DNAJC1: variants seen among roughly 807,000 people sequenced by gnomAD.
The protein encoded by DNAJC1 is dnaJ homolog subfamily C member 1.
A neutral mutation model predicts 76.6 loss-of-function variants in DNAJC1; 58 were observed. The observed-to-expected ratio is 0.76, with a 90% CI of 0.61 to 0.94. The LOEUF (loss-of-function observed/expected upper bound fraction) is 0.94. DNAJC1 is among the 40% of genes least tolerant of loss of function. The probability of loss-of-function intolerance (pLI) is 0.00; values close to 1 mark genes in which losing one functional copy is unlikely to be tolerated. For missense variants in DNAJC1, 689 were observed against 677.3 expected, an observed-to-expected ratio of 1.02 and a Z score of -0.19; for synonymous variants, 258 against 267.9, an observed-to-expected ratio of 0.96 and a Z score of 0.36.
intron 1 of DNAJC1, among the ~76,000 whole-genome samples, chr10:21,953,905 G>A (rs1000258360): frequency 2.6e-4 from 38 of 144,144 alleles, no homozygotes; most frequent in African/African-American, 8.6e-4. Context: ...TCCTTTGTTA[G>A]TTTAATAAAT....
chr10:21,876,792 G>A (rs1836195625), intron 8 of DNAJC1, among the ~76,000 whole-genome samples: 1 of 152,156 alleles, frequency 6.6e-6, no homozygotes, highest in Non-Finnish European at 1.5e-5. Flanking sequence ...TAGAGCTGTA[G>A]GAAGCAATTT....
intron 6 of DNAJC1, among the ~76,000 whole-genome samples, chr10:21,906,317 G>T (rs928585285): frequency 6.6e-6 from 1 of 151,900 alleles, no homozygotes; most frequent in Non-Finnish European, 1.5e-5. Context: ...GTTTCAACAG[G>T]GTTTTGGGTT....
intron 8 of DNAJC1, among the ~76,000 whole-genome samples, chr10:21,837,280 G>A (rs971493892): frequency 6.6e-6 from 1 of 152,168 alleles, no homozygotes; most frequent in African/African-American, 2.4e-5. Context: ...CCTCCCAGCC[G>A]CCTGCCTTGG....
At chr10:21,942,843 T>C (rs1401585441) in intron 1 of DNAJC1, among the ~76,000 whole-genome samples, 3 of 140,014 alleles carry the variant, frequency 2.1e-5, no homozygotes, top group Non-Finnish European at 3.1e-5. Context: ...GAAAAAGAAA[T>C]ATAAGCATAC....
At chr10:21,968,326 T>G (rs1837922974) in intron 1 of DNAJC1, among the ~76,000 whole-genome samples, 1 of 152,088 alleles carries the variant, frequency 6.6e-6, no homozygotes, top group African/African-American at 2.4e-5. Context: ...AACCTCACAA[T>G]CACCTTATAA....
intron 7 of DNAJC1, among the ~76,000 whole-genome samples, chr10:21,901,404 T>A (rs1836650464): frequency 6.6e-6 from 1 of 152,180 alleles, no homozygotes; most frequent in Non-Finnish European, 1.5e-5. Flanking sequence ...TAATTTAGAA[T>A]AAAACATATC....
At chr10:21,968,271 C>T (rs1172794639) in intron 1 of DNAJC1, among the ~76,000 whole-genome samples, 2 of 152,112 alleles carry the variant, frequency 1.3e-5, no homozygotes, top group African/African-American at 2.4e-5. Flanking sequence ...AAACTATTAG[C>T]TAACATTTGT....
intron 1 of DNAJC1, among the ~76,000 whole-genome samples, chr10:21,961,975 T>A (rs1837801388): frequency 6.6e-6 from 1 of 152,082 alleles, no homozygotes; most frequent in African/African-American, 2.4e-5. Context: ...CCTGAAATGG[T>A]CCTCCCCCTT....
intron 1 of DNAJC1, among the ~76,000 whole-genome samples, chr10:21,968,842 C>T (rs769372497): frequency 6.6e-6 from 1 of 152,060 alleles, no homozygotes; most frequent in East Asian, 1.9e-4. Flanking sequence ...ATATTACAAA[C>T]GCTGCTGCAG....
At chr10:21,904,468 TTTAAATAA>T (rs1836709642) in intron 7 of DNAJC1, 46 bp downstream of exon 7, 1 of 1,178,298 alleles carries the variant, frequency 8.5e-7, no homozygotes, top group African/African-American at 1.6e-5. Flanking sequence ...ATAATTCACA[TTTAAATAA>T]TTAATTTTAT....
At position 22,003,613 on chromosome 10, in the gene DNAJC1, G is replaced by T. The variant is rs1319504953; in HGVS notation, c.-179C>A. The T allele has an allele frequency of 1.3e-5, 9 of 701,790 alleles. No homozygotes were observed. Among genetic ancestry groups the T allele is most frequent in the Non-Finnish European group, 1.8e-5 (9 of 502,348 alleles). The allele number at this position is 701,790 out of a possible 1,614,324, so 43.5% of individuals were successfully genotyped here. On this transcript the variant is annotated 5_prime_UTR_variant, in exon 1 of 12. Coordinates refer to ENST00000376980, the MANE Select transcript of DNAJC1 (RefSeq NM_022365.4). ...AGCGCGGAGGCGGCGGGAGCCGGCT[G>T]CCGGACGGGCGGGTGGGTAGGCGGG... is the stretch of plus-strand genomic sequence containing the variant.
At chr10:21,994,768 G>A (rs1241616232) in intron 1 of DNAJC1, among the ~76,000 whole-genome samples, 1 of 152,010 alleles carries the variant, frequency 6.6e-6, no homozygotes, top group African/African-American at 2.4e-5. Flanking sequence ...TCCAGCCTGG[G>A]TGACAAAGCG....
At chr10:21,781,386 T>C (rs893658468) in intron 9 of DNAJC1, among the ~76,000 whole-genome samples, 1 of 152,132 alleles carries the variant, frequency 6.6e-6, no homozygotes, top group Non-Finnish European at 1.5e-5. Context: ...TATAACAAAC[T>C]GTCTCTCAGA....
At chr10:21,959,812 AAAG>A (rs1325026223) in intron 1 of DNAJC1, among the ~76,000 whole-genome samples, 1 of 151,436 alleles carries the variant, frequency 6.6e-6, no homozygotes. Flanking sequence ...AAAAAAAAAA[AAAG>A]AAGAGAGAAA....
intron 1 of DNAJC1, among the ~76,000 whole-genome samples, chr10:21,968,218 A>G (rs964895336): frequency 1.3e-5 from 2 of 152,234 alleles, no homozygotes; most frequent in African/African-American, 4.8e-5. Context: ...AAGAATACAT[A>G]AGGAGTTCAA....
chr10:21,782,229 A>T (rs1282041052), intron 9 of DNAJC1, among the ~76,000 whole-genome samples: 1 of 152,204 alleles, frequency 6.6e-6, no homozygotes, highest in Non-Finnish European at 1.5e-5. Context: ...ATCCCAGAGA[A>T]ATACTAACTA....
rs113615504 is a variant in DNAJC1, at chr10:21,803,589, C to CTGTGTGTG, written c.1098+2383_1098+2390dup. On this transcript the variant is annotated intron_variant, in intron 9 of 11. Transcript: ENST00000376980. ...CTGTTCTCTTTTACAGAGTGATTTT[C>CTGTGTGTG]TGTGTGTGTGTGTGTGTGTGTGTGT... is the stretch of plus-strand genomic sequence containing the variant. Among the ~76,000 whole-genome samples the CTGTGTGTG allele has an allele frequency of 2.9e-3, 402 of 140,718 alleles. 6 individuals carry two copies. Among genetic ancestry groups the CTGTGTGTG allele is most frequent in the East Asian group, 0.013 (64 of 4,802 alleles). The allele number at this position is 140,718 out of a possible 152,430, so 92.3% of individuals were successfully genotyped here. A position where few individuals can be genotyped will look rare whatever the true frequency, so the allele number is the denominator to read the frequency against.
chr10:21,759,756 T>A, intron 10 of DNAJC1, 138 bp from the exon 11 acceptor site: 1 of 720,310 alleles, frequency 1.4e-6, no homozygotes, highest in Non-Finnish European at 2.3e-6. Flanking sequence ...TCCACACTAC[T>A]CTATTCTAGA....
At chr10:21,803,746 A>G (rs1454967847) in intron 9 of DNAJC1, 6 of 745,552 alleles carry the variant, frequency 8.0e-6, no homozygotes, top group African/African-American at 1.9e-5. Context: ...GTCTATATAT[A>G]TATTGACATA....
Sources: gnomAD v4.1 joint callset for allele counts (sites outside exome capture counted in the v4.1 genomes callset) on GRCh38, gnomAD v4.1.1 for gene constraint, MANE v1.5 for transcripts, NCBI Gene and HGNC (gene_info 2026-07-23, HGNC 2026-07-21) for gene names.